TBC1D9: variants seen among roughly 807,000 people sequenced by gnomAD.
The protein encoded by TBC1D9 is TBC1 domain family member 9.
Under a neutral mutation model 132.0 loss-of-function variants are expected in TBC1D9, and 63 were observed. The observed-to-expected ratio is 0.48, with a 90% CI of 0.39 to 0.59. The LOEUF (loss-of-function observed/expected upper bound fraction) is 0.59, where lower values mean the gene tolerates loss of function less well. TBC1D9 is among the 20% of genes least tolerant of loss of function. The probability of loss-of-function intolerance (pLI) is 0.00; values close to 1 mark genes in which losing one functional copy is unlikely to be tolerated. For missense variants in TBC1D9, 1,261 were observed against 1,592.7 expected, an observed-to-expected ratio of 0.79 and a Z score of 3.54; for synonymous variants, 610 against 609.9, an observed-to-expected ratio of 1.00 and a Z score of 0.00.
At chr4:140,646,205 T>C (rs1179060232) in intron 13 of TBC1D9, among the ~76,000 whole-genome samples, 1 of 152,138 alleles carries the variant, frequency 6.6e-6, no homozygotes, top group Admixed American at 6.5e-5. Context: ...GACAAAGAAA[T>C]CGTAGTTTAG....
intron 10 of TBC1D9, among the ~76,000 whole-genome samples, chr4:140,660,872 G>A (rs1032526838): frequency 6.6e-6 from 1 of 152,120 alleles, no homozygotes. Context: ...GCTTTTGCTG[G>A]ATGGTCAGGG....
chr4:140,657,093 C>T lies in TBC1D9; in HGVS notation c.2337+4G>A, dbSNP rs1560875625. 2 of 1,612,980 alleles carry T rather than the reference C, an allele frequency of 1.2e-6. No individual in the cohort carries two copies. The highest frequency in any genetic ancestry group is 3.3e-5 in the Admixed American group (2 of 59,932). On this transcript the variant is annotated splice_donor_region_variant and intron_variant, in intron 13 of 20. Transcript: ENST00000442267. ...GCCCTGCTCAGCCAGGAGACAAGAC[C>T]TACCTCGTAGGAAGTTCTGATGAGT...
intron 1 of TBC1D9, among the ~76,000 whole-genome samples, chr4:140,739,642 C>T (rs780594055): frequency 5.3e-5 from 8 of 152,120 alleles, no homozygotes; most frequent in African/African-American, 9.7e-5. Flanking sequence ...ATTGTCTATG[C>T]TAATTATAAA....
At chr4:140,746,942 G>C (rs1251488244) in intron 1 of TBC1D9, among the ~76,000 whole-genome samples, 15 of 151,994 alleles carry the variant, frequency 9.9e-5, no homozygotes, top group Admixed American at 9.8e-4. Context: ...AGAGGCAGGA[G>C]GACTGCCTAA....
intron 16 of TBC1D9, among the ~76,000 whole-genome samples, chr4:140,632,883 C>T (rs1381966778): frequency 6.6e-6 from 1 of 152,174 alleles, no homozygotes; most frequent in Non-Finnish European, 1.5e-5. Context: ...CACCTAAGAG[C>T]TGTTGTTTAG....
intron 1 of TBC1D9, among the ~76,000 whole-genome samples, chr4:140,740,276 G>C (rs1238760680): frequency 5.9e-5 from 9 of 152,172 alleles, no homozygotes. Flanking sequence ...ATCTGCTGAA[G>C]GACTGCTCTA....
intron 13 of TBC1D9, chr4:140,645,173 C>G (rs887358218): frequency 3.6e-6 from 2 of 550,562 alleles, no homozygotes; most frequent in Non-Finnish European, 7.1e-6. Context: ...TCTCTCTGAG[C>G]AGCTTCTCCT....
intron 13 of TBC1D9, among the ~76,000 whole-genome samples, chr4:140,645,739 C>T (rs565906456): frequency 2.0e-5 from 3 of 152,158 alleles, no homozygotes; most frequent in Non-Finnish European, 4.4e-5. Flanking sequence ...CCACCACCAA[C>T]CTCTTCTTAC....
intron 5 of TBC1D9, 24 bp downstream of exon 5, chr4:140,678,918 A>G: frequency 3.1e-6 from 5 of 1,607,970 alleles, no homozygotes; most frequent in Non-Finnish European, 4.2e-6. Context: ...AAAGTCTGGA[A>G]GATACAAGGT....
intron 2 of TBC1D9, among the ~76,000 whole-genome samples, chr4:140,698,816 G>A (rs915683455): frequency 6.6e-6 from 1 of 152,142 alleles, no homozygotes; most frequent in African/African-American, 2.4e-5. Context: ...AATTACCCAG[G>A]CAATGGAGCT....
intron 1 of TBC1D9, among the ~76,000 whole-genome samples, chr4:140,709,659 C>T (rs1738208380): frequency 6.6e-6 from 1 of 152,084 alleles, no homozygotes; most frequent in Non-Finnish European, 1.5e-5. Context: ...AGTCAGCAGT[C>T]CCCAACCTTT....
intron 13 of TBC1D9, among the ~76,000 whole-genome samples, chr4:140,639,913 T>C (rs559912301): frequency 6.6e-6 from 1 of 152,334 alleles, no homozygotes; most frequent in Non-Finnish European, 1.5e-5. Flanking sequence ...GAGCTAGCCA[T>C]CTCTTCAAGC....
At chr4:140,686,840 T>C (rs1025999101) in intron 2 of TBC1D9, among the ~76,000 whole-genome samples, 2 of 152,142 alleles carry the variant, frequency 1.3e-5, no homozygotes. Flanking sequence ...GATCTTATGA[T>C]ACTAGGTTAC....
Position 140,668,908 on chromosome 4 carries a change from C to G in TBC1D9, c.1588+9G>C, listed in dbSNP as rs753057125. On this transcript the variant is annotated intron_variant, in intron 9 of 20. Transcript: ENST00000442267. ...TTTGACGCCAGCATTCCCAGCCCAG[C>G]GGCCGTACCTGACAGCAGCAGCCAG... 1 of 1,612,832 alleles carries G rather than the reference C, an allele frequency of 6.2e-7. No homozygotes were observed. Among genetic ancestry groups the G allele is most frequent in the Non-Finnish European group, 8.5e-7 (1 of 1,179,540 alleles).
chr4:140,739,848 A>AT (rs1378839847), intron 1 of TBC1D9, among the ~76,000 whole-genome samples: 30 of 152,198 alleles, frequency 2.0e-4, no homozygotes, highest in African/African-American at 6.5e-4. Flanking sequence ...GAAAAAAAAA[A>AT]TTTTTTTTAA....
At chr4:140,628,566 T>C (rs1736743438) in intron 16 of TBC1D9, among the ~76,000 whole-genome samples, 1 of 152,178 alleles carries the variant, frequency 6.6e-6, no homozygotes, top group Non-Finnish European at 1.5e-5. Context: ...CTACATACTG[T>C]TGGGAGAGTT....
rs892780890 is a variant in TBC1D9, at chr4:140,626,727, C to G, written c.2899+714G>C. Among the ~76,000 whole-genome samples the G allele has an allele frequency of 2.0e-5, 3 of 151,932 alleles. No homozygotes were observed. In the East Asian group the frequency reaches 5.8e-4, roughly 29 times the overall value. On this transcript the variant is annotated intron_variant, in intron 18 of 20. Coordinates refer to ENST00000442267, the MANE Select transcript of TBC1D9 (RefSeq NM_015130.3). ...TGAGTTGAATCACATCTTTGTAGAC[C>G]TATCATCCACAGAGAGCAGGAGCCA...
chr4:140,749,219 G>T (rs1249211952), intron 1 of TBC1D9, among the ~76,000 whole-genome samples: 1 of 148,512 alleles, frequency 6.7e-6, no homozygotes, highest in Non-Finnish European at 1.5e-5. Context: ...AAAATAAAAG[G>T]TAAAAAAAAA....
At chr4:140,731,077 T>G (rs1334183374) in intron 1 of TBC1D9, among the ~76,000 whole-genome samples, 1 of 152,078 alleles carries the variant, frequency 6.6e-6, no homozygotes, top group Non-Finnish European at 1.5e-5. Flanking sequence ...GTTCTAGAAA[T>G]GCAAGGGGGA....
Sources: allele counts gnomAD v4.1 joint callset (sites outside exome capture counted in the v4.1 genomes callset), GRCh38; gene constraint gnomAD v4.1.1; transcripts MANE v1.5; gene names NCBI Gene and HGNC (gene_info 2026-07-23, HGNC 2026-07-21).